ZNF540: variants seen among roughly 807,000 people sequenced by gnomAD.
ZNF540 encodes the protein CTD-3064H18.6.
In ZNF540, 3 loss-of-function variants were observed where a neutral mutation model predicts 11.8. The observed-to-expected ratio is 0.25, with a 90% CI of 0.12 to 0.65. The LOEUF is 0.65. Ranked by LOEUF, ZNF540 falls within the 30% of genes least tolerant of loss-of-function variation. The pLI, the probability that ZNF540 is intolerant of heterozygous loss-of-function variation, is 0.83. For synonymous variants in ZNF540, 247 were observed against 259.0 expected (o/e 0.95, Z 0.45); for missense variants, 709 against 793.1 (o/e 0.89, Z 1.27).
At chr19:37,551,729 G>C (rs1009511697) in intron 1 of ZNF540, 1 of 152,442 alleles carries the variant, frequency 6.6e-6, no homozygotes, top group African/African-American at 2.4e-5. Context: ...CTGGCGGACA[G>C]GAGAACCAAG....
At chr19:37,572,680 A>G (rs921872997) in intron 1 of ZNF540, among the ~76,000 whole-genome samples, 4 of 152,298 alleles carry the variant, frequency 2.6e-5, no homozygotes, top group African/African-American at 7.2e-5. Context: ...ATATATAACA[A>G]TGTGGCTTTC....
chr19:37,573,022 T>C (rs1285217518), intron 1 of ZNF540, among the ~76,000 whole-genome samples: 1 of 152,228 alleles, frequency 6.6e-6, no homozygotes, highest in Non-Finnish European at 1.5e-5. Context: ...GATTATAGAA[T>C]CTTCAATGTG....
In ZNF540 at chr19:37,573,017, T is replaced by A. The variant is rs113272544; in HGVS notation, c.-73+21352T>A. On this transcript the variant is annotated intron_variant, in intron 1 of 4. Coordinates refer to the ZNF540 transcript ENST00000592533. ...GCTTCTTTCATCACATGATTGATTA[T>A]AGAATCTTCAATGTGATACATACTT... 8.0e-3 allele frequency among the ~76,000 whole-genome samples: 1,217 copies of A among 152,340 alleles called. 13 individuals are homozygous for A. Among genetic ancestry groups the A allele is most frequent in the African/African-American group, 0.028 (1,150 of 41,564 alleles).
rs747410075 is a variant in ZNF540, at chr19:37,568,623, CAG to C, written c.-73+16960_-73+16961del. Among the ~76,000 whole-genome samples, 3 of 152,160 alleles carry C rather than the reference CAG, an allele frequency of 2.0e-5. No homozygotes were observed. In the South Asian group the frequency reaches 6.2e-4, roughly 32 times the overall value. On this transcript the variant is annotated intron_variant, in intron 1 of 4. Coordinates refer to the ZNF540 transcript ENST00000592533. ...TATGAGAACACAGGATGGTGCTAAA[CAG>C]AAATCTAGAGGAATATAGAAAAAGT...
chr19:37,588,475 T>C (rs529383805), intron 1 of ZNF540, among the ~76,000 whole-genome samples: 73 of 152,286 alleles, frequency 4.8e-4, no homozygotes, highest in Non-Finnish European at 9.0e-4. Flanking sequence ...AAATACCACA[T>C]GTTGTCCTTT....
At position 37,601,069 on chromosome 19, in the gene ZNF540, G is replaced by A. The variant is rs147136103; in HGVS notation, c.196G>A (p.Val66Met). The A allele has an allele frequency of 1.5e-4, 231 of 1,588,950 alleles. No homozygotes were observed. The highest frequency in any genetic ancestry group is 6.5e-4 in the East Asian group (28 of 43,410). ...TLLEQGKEPC[V>M]VARDVTGRQC... ...ACTGGAGCAAGGGAAAGAGCCCTGC[G>A]TGGTGGCGAGGGATGTGACAGGAAG... The change falls in exon 4 of 5, where the codon GTG becomes ATG. Residue 66 changes from valine (V) to methionine (M), a missense_variant. Physicochemically the swap from Val to Met is conservative, Grantham distance 21 (BLOSUM62 1). Transcript: ENST00000316433.
chr19:37,588,192 GATATTTGAC>G (rs1288330881), intron 1 of ZNF540, among the ~76,000 whole-genome samples: 2 of 149,108 alleles, frequency 1.3e-5, no homozygotes, highest in Non-Finnish European at 3.0e-5. Flanking sequence ...AAGTTAATAG[GATATTTGAC>G]ATATGATATA....
intron 1 of ZNF540, chr19:37,585,260 C>T (rs2043630315): frequency 6.6e-6 from 1 of 152,234 alleles, no homozygotes; most frequent in East Asian, 1.9e-4. Context: ...AACCTAATCC[C>T]TGAAACAGTA....
chr19:37,578,810 T>G (rs1015334491), intron 1 of ZNF540, among the ~76,000 whole-genome samples: 17 of 152,056 alleles, frequency 1.1e-4, no homozygotes, highest in African/African-American at 3.1e-4. Context: ...ACCGCACCTC[T>G]GCAGCAACCG....
intron 2 of ZNF540, 140 bp downstream of exon 2, chr19:37,598,596 C>T: frequency 1.2e-6 from 1 of 828,290 alleles, no homozygotes; most frequent in Non-Finnish European, 2.0e-6. Context: ...GGCCCCCTCT[C>T]TTTTCTAACC....
intron 1 of ZNF540, among the ~76,000 whole-genome samples, chr19:37,578,793 CGCAGCAACCGCACCTCT>C (rs547383829): frequency 4.6e-4 from 70 of 152,320 alleles, no homozygotes; most frequent in South Asian, 1.9e-3. Flanking sequence ...GCTCTTCCAG[CGCAGCAACCGCACCTCT>C]GCAGCAACCG....
upstream of ZNF540, among the ~76,000 whole-genome samples, chr19:37,592,887 TAA>T (rs1452436588): frequency 6.6e-6 from 1 of 152,188 alleles, no homozygotes. Context: ...CAGCACCAAT[TAA>T]ACCAAAACAA....
intron 1 of ZNF540, chr19:37,566,557 A>C (rs1035544949): frequency 2.5e-5 from 8 of 315,598 alleles, no homozygotes; most frequent in Admixed American, 4.5e-5. Context: ...GGAGGCTTAT[A>C]AAATAGTAAT....
upstream of ZNF540, among the ~76,000 whole-genome samples, chr19:37,593,645 G>A (rs2043932335): frequency 6.6e-6 from 1 of 152,178 alleles, no homozygotes; most frequent in African/African-American, 2.4e-5. Flanking sequence ...GGAGCTTGCA[G>A]TGAGCCGAGA....
intron 1 of ZNF540, chr19:37,565,792 T>C (rs766363967): frequency 4.3e-6 from 7 of 1,613,368 alleles, no homozygotes; most frequent in East Asian, 2.2e-5. Flanking sequence ...TTTTCTGATG[T>C]TGAATGAGAT....
Position 37,613,944 on chromosome 19 carries a change from C to A in ZNF540, c.*681C>A. 1 of 398,284 alleles carries A rather than the reference C, an allele frequency of 2.5e-6. No homozygotes were observed. Among genetic ancestry groups the A allele is most frequent in the South Asian group, 1.3e-4 (1 of 7,832 alleles). 24.7% of individuals were successfully genotyped at this position (398,284 alleles called of 1,614,324 possible). A position where few individuals can be genotyped will look rare whatever the true frequency, so the allele number is the denominator to read the frequency against. On this transcript the variant is annotated 3_prime_UTR_variant, in exon 5 of 5. Transcript: ENST00000316433. ...CCTTTATAAGAAGAAGCCAAAGAGC[C>A]AGCTAGCTCTTTCAACCACATGAGG... is the stretch of plus-strand genomic sequence containing the variant.
intron 4 of ZNF540, among the ~76,000 whole-genome samples, chr19:37,610,425 G>A (rs532933139): frequency 2.5e-4 from 38 of 152,298 alleles, no homozygotes; most frequent in Middle Eastern, 3.4e-3. Flanking sequence ...GTGGATATGC[G>A]TTTGAAAATT....
intron 1 of ZNF540, among the ~76,000 whole-genome samples, chr19:37,581,949 A>G (rs907500302): frequency 6.6e-6 from 1 of 152,174 alleles, no homozygotes; most frequent in African/African-American, 2.4e-5. Flanking sequence ...CACCATAATT[A>G]ACATTTTGCC....
chr19:37,602,744 G>A (rs1192844496), intron 4 of ZNF540, among the ~76,000 whole-genome samples: 2 of 152,244 alleles, frequency 1.3e-5, no homozygotes, highest in East Asian at 1.9e-4. Context: ...CAAGTGGAAG[G>A]GAGTAGTCAT....
Sources: gnomAD v4.1 joint callset for allele counts (sites outside exome capture counted in the v4.1 genomes callset) on GRCh38, gnomAD v4.1.1 for gene constraint, MANE v1.5 for transcripts, NCBI Gene and HGNC (gene_info 2026-07-23, HGNC 2026-07-21) for gene names.